Variants in PCDHA8 observed in about 807,000 individuals in gnomAD.
The protein encoded by PCDHA8 is protocadherin alpha 8.
PCDHA8 carries 53 observed loss-of-function variants against 61.8 expected under a neutral mutation model. The observed-to-expected ratio is 0.86, with a 90% CI of 0.69 to 1.08. The LOEUF is 1.08. Ranked by LOEUF, PCDHA8 falls within the 50% of genes least tolerant of loss-of-function variation. PCDHA8 has a pLI of 0.00. For synonymous variants in PCDHA8, 618 were observed against 556.6 expected (o/e 1.11, Z -1.55); for missense variants, 1,293 against 1,245.0 (o/e 1.04, Z -0.58).
At chr5:140,877,467 G>C (rs1554169776) in intron 1 of PCDHA8, 3 of 1,613,752 alleles carry the variant, frequency 1.9e-6, no homozygotes, top group African/African-American at 2.7e-5. Flanking sequence ...CGGCCACGGT[G>C]CTGGTGTCGC....
chr5:140,942,906 G>A (rs1454697434), intron 1 of PCDHA8, among the ~76,000 whole-genome samples: 1 of 151,800 alleles, frequency 6.6e-6, no homozygotes, highest in South Asian at 2.1e-4. Flanking sequence ...CTAAGAATAA[G>A]CGTGAAGAAA....
intron 1 of PCDHA8, chr5:140,876,899 C>A (rs781884794): frequency 5.0e-6 from 8 of 1,613,974 alleles, no homozygotes; most frequent in Non-Finnish European, 6.8e-6. Context: ...CACATCTTCA[C>A]GGTGTCGGCA....
chr5:140,984,458 C>T (rs1363789281), intron 3 of PCDHA8, among the ~76,000 whole-genome samples: 2 of 152,140 alleles, frequency 1.3e-5, no homozygotes, highest in African/African-American at 4.8e-5. Flanking sequence ...CTTACTGTCC[C>T]AGCCCCTCTT....
chr5:140,870,627 G>C, intron 1 of PCDHA8: 4 of 1,613,028 alleles, frequency 2.5e-6, no homozygotes, highest in Non-Finnish European at 3.4e-6. Context: ...GCTACGTGTC[G>C]GTGCACGCGG....
chr5:140,937,259 G>T (rs1306999153), intron 1 of PCDHA8, among the ~76,000 whole-genome samples: 1 of 151,852 alleles, frequency 6.6e-6, no homozygotes, highest in African/African-American at 2.4e-5. Context: ...GGATGGTCTC[G>T]ATCTCCTGAC....
rs142047105 is a variant in PCDHA8, at chr5:140,842,697, A to T, written c.1376A>T (p.Glu459Val). 6.3e-6 allele frequency: 10 copies of T among 1,595,144 alleles called. 2 individuals are homozygous for T. The highest frequency in any genetic ancestry group is 8.6e-6 in the Non-Finnish European group (10 of 1,165,510). Residue 459 changes from glutamate to valine, a missense_variant, in exon 1 of 4, where the codon GAG (glutamate) becomes GTG (valine). Physicochemically the swap from Glu to Val is moderately radical, Grantham distance 121 (BLOSUM62 -2). Transcript: ENST00000531613. ...NDNAPAFAQP[E>V]YTVFVKENNP... is the part of the protein sequence containing the mutation. ...AATGCTCCGGCGTTCGCGCAGCCCG[A>T]GTACACGGTGTTCGTGAAGGAGAAC... is the stretch of plus-strand genomic sequence containing the variant.
Position 141,009,792 on chromosome 5 carries a change from C to T in PCDHA8, c.2708C>T (p.Pro903Leu). Residue 903 changes from proline (P) to leucine (L), a missense_variant, in exon 4 of 4, where the codon CCT (proline) becomes CTT (leucine). Physicochemically the swap from Pro to Leu is moderately conservative, Grantham distance 98. Transcript: ENST00000531613. ...GCAATCATCTCCATCCGGCAGGAGC[C>T]TACTAACAGCCAAATTGACAAAAGT... ...SPAIISIRQEPTNSQIDKSDF... is the reference protein window; with the variant it reads ...SPAIISIRQELTNSQIDKSDF... 1 of 1,614,068 alleles carries T rather than the reference C, an allele frequency of 6.2e-7. No individual in the cohort carries two copies. The highest frequency in any genetic ancestry group is 8.5e-7 in the Non-Finnish European group (1 of 1,180,026).
chr5:140,926,890 A>C, intron 1 of PCDHA8: 2 of 1,543,874 alleles, frequency 1.3e-6, no homozygotes, highest in Non-Finnish European at 1.7e-6. Context: ...GCCTAGAGGG[A>C]GGATGGTGGG....
intron 1 of PCDHA8, among the ~76,000 whole-genome samples, chr5:140,956,900 A>C (rs1004581720): frequency 6.6e-6 from 1 of 152,240 alleles, no homozygotes; most frequent in East Asian, 1.9e-4. Context: ...GAATATTCTT[A>C]AATGTATAAA....
At chr5:140,870,388 G>C in intron 1 of PCDHA8, 1 of 1,614,232 alleles carries the variant, frequency 6.2e-7, no homozygotes, top group Non-Finnish European at 8.5e-7. Flanking sequence ...TGCGCGGGAT[G>C]GGGGTTCGCC....
rs564801749 is a variant in PCDHA8, at chr5:140,919,703, A to G, written c.2395-59246A>G. Among the ~76,000 whole-genome samples the G allele has an allele frequency of 6.4e-4, 98 of 152,318 alleles. No individual in the cohort carries two copies. In the South Asian group the frequency reaches 0.011, roughly 16 times the overall value. ...TCTGCTTCAGATTTATATTAACTTA[A>G]TTCTAGTGAGATATAAATATGTTAC... On this transcript the variant is annotated intron_variant, in intron 1 of 3. Transcript: ENST00000531613.
chr5:140,933,734 T>C (rs1355766834), intron 1 of PCDHA8, among the ~76,000 whole-genome samples: 2 of 152,062 alleles, frequency 1.3e-5, no homozygotes, highest in Admixed American at 6.5e-5. Flanking sequence ...CTTTCTTAAA[T>C]ATTTGGTAGA....
intron 1 of PCDHA8, chr5:140,858,085 G>T: frequency 6.3e-7 from 1 of 1,597,828 alleles, no homozygotes; most frequent in South Asian, 1.1e-5. Context: ...AGGCCTCGTC[G>T]CGGGCTTCAG....
At chr5:140,887,130 T>C (rs1164233833) in intron 1 of PCDHA8, among the ~76,000 whole-genome samples, 1 of 151,716 alleles carries the variant, frequency 6.6e-6, no homozygotes, top group African/African-American at 2.4e-5. Context: ...GGAGTCTCAC[T>C]CTGTCGCCCA....
chr5:140,946,377 T>C (rs1554217528), intron 1 of PCDHA8, among the ~76,000 whole-genome samples: 1 of 151,764 alleles, frequency 6.6e-6, no homozygotes, highest in African/African-American at 2.4e-5. Flanking sequence ...TTGCACACGG[T>C]TGGTAGGAAT....
chr5:140,848,454 G>T, intron 1 of PCDHA8: 1 of 1,522,346 alleles, frequency 6.6e-7, no homozygotes, highest in Non-Finnish European at 8.9e-7. Context: ...CTTCTAATTT[G>T]GAGGCAATTT....
Position 140,841,926 on chromosome 5 carries a change from G to T in PCDHA8, c.605G>T (p.Arg202Ile), listed in dbSNP as rs1490008187. 5.6e-6 allele frequency: 9 copies of T among 1,613,806 alleles called. No individual in the cohort carries two copies. The Admixed American group carries it at 1.5e-4, about 27-fold the overall frequency. The change falls in exon 1 of 4, where the codon AGA (arginine) becomes ATA (isoleucine). Residue 202 changes from arginine to isoleucine, a missense_variant. Transcript: ENST00000531613. ...CTCGTATTAAGAAAATCCTTGGACA[G>T]AGAGGACGCTCCTGCGCACCACTTA... ...VELVLRKSLD[R>I]EDAPAHHLFL...
At chr5:140,856,688 A>T in intron 1 of PCDHA8, 1 of 1,597,342 alleles carries the variant, frequency 6.3e-7, no homozygotes, top group Non-Finnish European at 8.6e-7. Context: ...GTTGACAGCA[A>T]CTGATGGAGG....
chr5:140,876,970 G>C, intron 1 of PCDHA8: 1 of 1,612,850 alleles, frequency 6.2e-7, no homozygotes. Context: ...GCGGCGGGTG[G>C]GCGAGCACGC....
Sources: allele counts gnomAD v4.1 joint callset (sites outside exome capture counted in the v4.1 genomes callset), GRCh38; gene constraint gnomAD v4.1.1; transcripts MANE v1.5; gene names NCBI Gene and HGNC (gene_info 2026-07-23, HGNC 2026-07-21).